Variants in LINGO2 observed in about 807,000 individuals in gnomAD.
The protein encoded by LINGO2 is leucine-rich repeat and immunoglobulin-like domain-containing nogo receptor-interacting protein 2.
Under a neutral mutation model 30.6 loss-of-function variants are expected in LINGO2, and 14 were observed. That is an observed-to-expected ratio of 0.46 (90% CI 0.30 to 0.72). The LOEUF (loss-of-function observed/expected upper bound fraction) is 0.72, where lower values mean the gene tolerates loss of function less well. LINGO2 is among the 30% of genes least tolerant of loss of function. The probability of loss-of-function intolerance (pLI) is 0.07; values close to 1 mark genes in which losing one functional copy is unlikely to be tolerated. For missense variants in LINGO2, 729 were observed against 751.7 expected (o/e 0.97, Z 0.35); for synonymous variants, 317 against 288.5 (o/e 1.10, Z -1.00).
At chr9:28,577,323 A>C (rs904251320) in intron 1 of LINGO2, among the ~76,000 whole-genome samples, 5 of 152,040 alleles carry the variant, frequency 3.3e-5, no homozygotes, top group African/African-American at 1.2e-4. Flanking sequence ...GCATTTCTGA[A>C]ACCAGATGAC....
intron 1 of LINGO2, among the ~76,000 whole-genome samples, chr9:28,611,803 ATTTAT>A (rs149970471): frequency 0.03 from 4,424 of 148,620 alleles, 227 homozygotes; most frequent in African/African-American, 0.11. Context: ...TTATTTATGT[ATTTAT>A]TTTATTTTAT....
the LINGO2 span, among the ~76,000 whole-genome samples, chr9:29,169,423 CA>C: frequency 2.6e-5 from 4 of 151,494 alleles, no homozygotes; most frequent in African/African-American, 9.7e-5. Flanking sequence ...AGAACTCAAA[CA>C]ACTCAACAAG....
Position 28,099,394 on chromosome 9 carries a change from C to T in LINGO2, c.-86-86989G>A, listed in dbSNP as rs76375542. On this transcript the variant is annotated intron_variant, in intron 4 of 5. Coordinates refer to ENST00000379992, the Ensembl canonical transcript of LINGO2. Reference sequence around the variant, plus strand: ...TGTTTTTTGTTTTGTTTTCTTATACCCTAATGTTTGTTCCATGATGGAAGC... The same window carrying T: ...TGTTTTTTGTTTTGTTTTCTTATACTCTAATGTTTGTTCCATGATGGAAGC... 6.9e-3 allele frequency among the ~76,000 whole-genome samples: 1,048 copies of T among 151,888 alleles called. 20 individuals carry two copies. Among genetic ancestry groups the T allele is most frequent in the African/African-American group, 0.024 (978 of 41,380 alleles).
chr9:28,373,569 G>T (rs1289117627), intron 2 of LINGO2, among the ~76,000 whole-genome samples: 3 of 152,082 alleles, frequency 2.0e-5, no homozygotes, highest in Non-Finnish European at 4.4e-5. Context: ...AGAGGTAAGA[G>T]AAAAAAACTA....
the LINGO2 span, among the ~76,000 whole-genome samples, chr9:28,772,283 G>A: frequency 1.3e-5 from 2 of 152,140 alleles, no homozygotes; most frequent in Non-Finnish European, 2.9e-5. Flanking sequence ...GTCAGACCGC[G>A]GTCTCAGGTA....
intron 4 of LINGO2, among the ~76,000 whole-genome samples, chr9:28,272,440 T>C (rs1263423385): frequency 2.6e-5 from 4 of 151,886 alleles, no homozygotes; most frequent in Non-Finnish European, 4.4e-5. Context: ...AAATCTCCCA[T>C]ATCGTCACAT....
At chr9:28,642,570 C>G (rs750084571) in intron 1 of LINGO2, among the ~76,000 whole-genome samples, 13 of 152,062 alleles carry the variant, frequency 8.5e-5, no homozygotes, top group Non-Finnish European at 1.9e-4. Context: ...TACATTGTGA[C>G]TAGTCTTAAG....
At position 28,660,262 on chromosome 9, in the gene LINGO2, C is replaced by T. The variant is rs978892984; in HGVS notation, c.-365+9938G>A. Among the ~76,000 whole-genome samples the T allele has an allele frequency of 8.6e-5, 13 of 151,544 alleles. 1 individual carries two copies. The South Asian group carries it at 2.5e-3, about 29-fold the overall frequency. On this transcript the variant is annotated intron_variant, in intron 1 of 5. Transcript: ENST00000379992. ...AATTAAAATATGGTTATTAATTTTA[C>T]CATATTAATAAAACATGGTTATTAA...
intron 5 of LINGO2, among the ~76,000 whole-genome samples, chr9:27,951,561 C>T (rs1819311783): frequency 6.6e-6 from 1 of 151,816 alleles, no homozygotes; most frequent in African/African-American, 2.4e-5. Flanking sequence ...CTCAGTGGAC[C>T]CGTTAAAGTG....
intron 4 of LINGO2, among the ~76,000 whole-genome samples, chr9:28,180,370 G>A (rs1459257980): frequency 6.6e-6 from 1 of 152,128 alleles, no homozygotes. Flanking sequence ...GATTTTAAAA[G>A]AAATTTCCAA....
At chr9:28,124,394 T>G (rs575161303) in intron 4 of LINGO2, among the ~76,000 whole-genome samples, 1 of 152,212 alleles carries the variant, frequency 6.6e-6, no homozygotes, top group African/African-American at 2.4e-5. Context: ...TCAATTTTTT[T>G]CCACTGGCAA....
At chr9:28,052,714 G>GGA (rs1824732638) in intron 4 of LINGO2, among the ~76,000 whole-genome samples, 2 of 152,046 alleles carry the variant, frequency 1.3e-5, no homozygotes, top group African/African-American at 4.8e-5. Context: ...ACTACAAATT[G>GGA]GAGCCCAAGA....
At chr9:27,973,430 T>C (rs1336178286) in intron 5 of LINGO2, among the ~76,000 whole-genome samples, 2 of 152,148 alleles carry the variant, frequency 1.3e-5, no homozygotes, top group African/African-American at 4.8e-5. Context: ...ACTCTTCCAA[T>C]AGAAGAGTGT....
At chr9:27,971,309 C>CA (rs751404144) in intron 5 of LINGO2, among the ~76,000 whole-genome samples, 18 of 151,914 alleles carry the variant, frequency 1.2e-4, no homozygotes, top group Non-Finnish European at 2.2e-4. Context: ...CCCTCTCACC[C>CA]AAAGTCTTAA....
chr9:28,740,290 T>C, the LINGO2 span, among the ~76,000 whole-genome samples: 44 of 151,836 alleles, frequency 2.9e-4, no homozygotes, highest in Non-Finnish European at 1.2e-4. Context: ...TGTTCATGTT[T>C]CTGTCTACTT....
the LINGO2 span, among the ~76,000 whole-genome samples, chr9:28,724,969 C>G: frequency 6.6e-6 from 1 of 151,898 alleles, no homozygotes; most frequent in African/African-American, 2.4e-5. Flanking sequence ...GGTCAAAAAA[C>G]AGCTTGAATG....
intron 3 of LINGO2, among the ~76,000 whole-genome samples, chr9:28,309,383 G>A (rs1326495804): frequency 1.3e-5 from 2 of 150,406 alleles, no homozygotes; most frequent in South Asian, 2.1e-4. Flanking sequence ...ATTGAACAAT[G>A]AGAACACATG....
rs113708640 is a variant in LINGO2 at position 28,525,508 on chromosome 9, T to A, written c.-364-49483A>T. Among the ~76,000 whole-genome samples the A allele has an allele frequency of 1.3e-3, 192 of 152,292 alleles. 1 individual carries two copies. The highest frequency in any genetic ancestry group is 6.8e-3 in the Middle Eastern group (2 of 294). On this transcript the variant is annotated intron_variant, in intron 1 of 5. Transcript: ENST00000379992. Reference sequence around the variant, plus strand: ...TGAAAAGGAATGAAGTAGTAACACATGCAGCAATATGGATGAACATTGAGA... The same window carrying A: ...TGAAAAGGAATGAAGTAGTAACACAAGCAGCAATATGGATGAACATTGAGA...
At chr9:28,982,209 A>C in the LINGO2 span, among the ~76,000 whole-genome samples, 1 of 152,082 alleles carries the variant, frequency 6.6e-6, no homozygotes, top group Admixed American at 6.6e-5. Flanking sequence ...CATATTAATA[A>C]AGCCTCCTAG....
Sources: allele counts gnomAD v4.1 joint callset (sites outside exome capture counted in the v4.1 genomes callset), GRCh38; gene constraint gnomAD v4.1.1; transcripts MANE v1.5; gene names NCBI Gene and HGNC (gene_info 2026-07-23, HGNC 2026-07-21).